The following STK3 variants were observed in gnomAD, a reference collection of about 807,000 sequenced individuals.
The protein encoded by STK3 is serine/threonine-protein kinase 3.
STK3 carries 41 observed loss-of-function variants against 58.0 expected under a neutral mutation model. The observed-to-expected ratio is 0.71, with a 90% CI of 0.55 to 0.92. The LOEUF is 0.92. Ranked by LOEUF, STK3 falls within the 40% of genes least tolerant of loss-of-function variation. The pLI is 0.00. For synonymous variants in STK3, 170 were observed against 191.0 expected (o/e 0.89, Z 0.91); for missense variants, 479 against 602.7 (o/e 0.79, Z 2.15).
chr8:98,664,824 C>T (rs533852112), intron 6 of STK3, among the ~76,000 whole-genome samples: 7 of 151,902 alleles, frequency 4.6e-5, no homozygotes, highest in Admixed American at 1.3e-4. Context: ...TGCTTGAACC[C>T]GGGAGGCGGA....
At chr8:98,433,955 G>A (rs1328309886) in intron 3 of STK3, among the ~76,000 whole-genome samples, 1 of 152,186 alleles carries the variant, frequency 6.6e-6, no homozygotes, top group Non-Finnish European at 1.5e-5. Flanking sequence ...ATTAGGCAGA[G>A]GAAAATCAAT....
chr8:98,857,950 G>T (rs1836740583), intron 3 of STK3, among the ~76,000 whole-genome samples: 1 of 152,130 alleles, frequency 6.6e-6, no homozygotes, highest in Non-Finnish European at 1.5e-5. Context: ...AAGCCTGTGT[G>T]AAATATTTAA....
intron 6 of STK3, among the ~76,000 whole-genome samples, chr8:98,698,527 C>T (rs951455357): frequency 1.5e-4 from 23 of 152,116 alleles, no homozygotes; most frequent in Non-Finnish European, 2.8e-4. Context: ...ATGTTTAGTG[C>T]TTCCTTCAGG....
intron 8 of STK3, among the ~76,000 whole-genome samples, chr8:98,568,059 TAGATGATAGATA>T (rs1812635976): frequency 7.2e-6 from 1 of 139,576 alleles, no homozygotes; most frequent in Non-Finnish European, 1.5e-5. Flanking sequence ...CTGTCTTAGA[TAGATGATAGATA>T]GATAGATAGA....
chr8:98,663,103 C>CAT (rs1563863867), intron 6 of STK3, among the ~76,000 whole-genome samples: 1 of 151,968 alleles, frequency 6.6e-6, no homozygotes, highest in African/African-American at 2.4e-5. Context: ...ACCTACAGAA[C>CAT]GGGAAAAATT....
At chr8:98,721,710 G>T (rs1386927917) in intron 4 of STK3, among the ~76,000 whole-genome samples, 1 of 151,932 alleles carries the variant, frequency 6.6e-6, no homozygotes, top group Non-Finnish European at 1.5e-5. Flanking sequence ...CTACTAAACT[G>T]CTCTAATTAT....
chr8:98,752,128 C>T (rs895561959), intron 3 of STK3, among the ~76,000 whole-genome samples: 5 of 152,002 alleles, frequency 3.3e-5, no homozygotes, highest in Non-Finnish European at 7.4e-5. Context: ...AAAAAAGAGC[C>T]CGAATAGCCA....
chr8:98,733,500 T>C (rs1046102267), intron 4 of STK3, among the ~76,000 whole-genome samples: 1 of 152,244 alleles, frequency 6.6e-6, no homozygotes, highest in African/African-American at 2.4e-5. Context: ...TAATACCTGA[T>C]GATCTGAAGT....
At chr8:98,686,410 TAA>T (rs1824004520) in intron 6 of STK3, among the ~76,000 whole-genome samples, 1 of 152,200 alleles carries the variant, frequency 6.6e-6, no homozygotes, top group Non-Finnish European at 1.5e-5. Context: ...AAAAATAATT[TAA>T]TATTAATGAT....
intron 10 of STK3, among the ~76,000 whole-genome samples, chr8:98,494,273 C>T (rs975338256): frequency 6.6e-6 from 1 of 152,124 alleles, no homozygotes; most frequent in Non-Finnish European, 1.5e-5. Flanking sequence ...ACTGCAGCAC[C>T]ATTTTTTCCA....
intron 10 of STK3, among the ~76,000 whole-genome samples, chr8:98,505,372 C>T (rs1322470774): frequency 1.3e-5 from 2 of 152,108 alleles, no homozygotes; most frequent in South Asian, 2.1e-4. Flanking sequence ...TTATTACCAA[C>T]CTTCTGAAGC....
chr8:98,708,536 AG>A (rs1826139824), intron 4 of STK3, among the ~76,000 whole-genome samples: 1 of 152,128 alleles, frequency 6.6e-6, no homozygotes, highest in African/African-American at 2.4e-5. Flanking sequence ...GGAGGGAAAA[AG>A]GGGAGAGTAG....
At chr8:98,552,903 T>G (rs1811291236) in intron 8 of STK3, among the ~76,000 whole-genome samples, 1 of 152,148 alleles carries the variant, frequency 6.6e-6, no homozygotes, top group Non-Finnish European at 1.5e-5. Flanking sequence ...CACCAGACAT[T>G]GGAGATGAAT....
chr8:98,605,560 T>C (rs1010324587), intron 6 of STK3, among the ~76,000 whole-genome samples: 2 of 151,968 alleles, frequency 1.3e-5, no homozygotes, highest in African/African-American at 4.8e-5. Context: ...TCTTCCTCTC[T>C]TACTTCCTCC....
chr8:98,566,982 AAAAAG>A (rs1308541819), intron 8 of STK3, among the ~76,000 whole-genome samples: 2 of 152,222 alleles, frequency 1.3e-5, no homozygotes, highest in South Asian at 2.1e-4. Flanking sequence ...AGCAAAAGAA[AAAAAG>A]AAAAGAACCA....
rs1564093615 is a variant in STK3 at position 98,903,549 on chromosome 8, TC to T, written c.-78-19716del. On this transcript the variant is annotated intron_variant, in intron 1 of 1. Coordinates refer to the STK3 transcript ENST00000519420. The stretch of plus-strand genomic sequence containing the variant: ...TTCTTCTTCTTCTTCTTCTTCTTCT[TC>T]TTCTTCCTTTTTTTTTTTTTAAGTG... Among the ~76,000 whole-genome samples, 36 of 44,948 alleles carry T rather than the reference TC, an allele frequency of 8.0e-4. 1 individual carries two copies. Among genetic ancestry groups the T allele is most frequent in the African/African-American group, 2.1e-3 (18 of 8,438 alleles). 29.5% of individuals were successfully genotyped at this position (44,948 alleles called of 152,430 possible).
At position 98,585,134 on chromosome 8, in the gene STK3, C is replaced by A. The variant is rs1188508557; in HGVS notation, c.823-5345G>T. ...ATTTGTCAATTTTGGCTTTTGTTGC[C>A]ATTGCTTTTGGTGTTTTAGACATGA... On this transcript the variant is annotated intron_variant, in intron 7 of 10. Transcript: ENST00000419617. Among the ~76,000 whole-genome samples, 4 of 151,608 alleles carry A rather than the reference C, an allele frequency of 2.6e-5. No individual in the cohort carries two copies. The East Asian group carries it at 7.7e-4, about 29-fold the overall frequency.
At chr8:98,519,212 A>G (rs1825169441) in intron 10 of STK3, among the ~76,000 whole-genome samples, 1 of 152,128 alleles carries the variant, frequency 6.6e-6, no homozygotes, top group South Asian at 2.1e-4. Context: ...ACTATAGCCA[A>G]TATCTCTTTT....
chr8:98,491,615 A>G (rs1201560710), intron 10 of STK3, among the ~76,000 whole-genome samples: 1 of 152,120 alleles, frequency 6.6e-6, no homozygotes, highest in African/African-American at 2.4e-5. Flanking sequence ...TAATTTTTAT[A>G]GTAGAGATGG....
Sources: allele counts gnomAD v4.1 joint callset (sites outside exome capture counted in the v4.1 genomes callset), GRCh38; gene constraint gnomAD v4.1.1; transcripts MANE v1.5; gene names NCBI Gene and HGNC (gene_info 2026-07-23, HGNC 2026-07-21).